PIK3CD: variants seen among roughly 807,000 people sequenced by gnomAD.
PIK3CD encodes the protein phosphatidylinositol-4,5-bisphosphate 3-kinase catalytic subunit delta, also known as phosphatidylinositol 4,5-bisphosphate 3-kinase catalytic subunit delta isoform.
In PIK3CD, 20 loss-of-function variants were observed where a neutral mutation model predicts 122.9. The observed-to-expected ratio is 0.16, with a 90% CI of 0.11 to 0.24. PIK3CD has a LOEUF of 0.24. Among genes scored for constraint, PIK3CD ranks in the 10% least tolerant of loss-of-function variants. The pLI is 1.00. For synonymous variants in PIK3CD, 596 were observed against 593.4 expected, an observed-to-expected ratio of 1.00 and a Z score of -0.06; for missense variants, 787 against 1,406.3, an observed-to-expected ratio of 0.56 and a Z score of 7.04.
At chr1:9,688,528 C>CT (rs543876633) in intron 1 of PIK3CD, among the ~76,000 whole-genome samples, 13 of 152,204 alleles carry the variant, frequency 8.5e-5, no homozygotes, top group Non-Finnish European at 1.6e-4. Context: ...AGAACAACAT[C>CT]TATCTTACAG....
intron 23 of PIK3CD, among the ~76,000 whole-genome samples, chr1:9,726,014 C>A (rs1383588711): frequency 6.6e-6 from 1 of 151,316 alleles, no homozygotes; most frequent in South Asian, 2.1e-4. Context: ...GAGTTTGAGA[C>A]CAGCCTGGCC....
intron 1 of PIK3CD, chr1:9,654,440 C>T (rs1210814224): frequency 1.5e-6 from 2 of 1,364,298 alleles, no homozygotes; most frequent in Non-Finnish European, 9.8e-7. Flanking sequence ...AGGGCATCAG[C>T]CCCTGGGGGG....
chr1:9,707,212 C>T (rs531540400), intron 2 of PIK3CD, among the ~76,000 whole-genome samples: 202 of 151,844 alleles, frequency 1.3e-3, no homozygotes, highest in African/African-American at 4.6e-3. Flanking sequence ...CTCCGATGAG[C>T]ACAAGGGGAT....
the PIK3CD span, among the ~76,000 whole-genome samples, chr1:9,637,509 C>T: frequency 6.6e-6 from 1 of 152,078 alleles, no homozygotes; most frequent in Non-Finnish European, 1.5e-5. Context: ...GAGCAAGACC[C>T]TATCTTAATA....
In PIK3CD at chr1:9,722,975, A is replaced by G. The variant is rs1648929071; in HGVS notation, c.2427-150A>G. The G allele has an allele frequency of 1.2e-6, 1 of 803,894 alleles. No individual in the cohort carries two copies. The highest frequency in any genetic ancestry group is 2.2e-6 in the Non-Finnish European group (1 of 460,526). 49.8% of individuals were successfully genotyped at this position (803,894 alleles called of 1,614,324 possible). A position where few individuals can be genotyped will look rare whatever the true frequency, so the allele number is the denominator to read the frequency against. ...TCAGATGCTGGTGCCGGCATCTCCA[A>G]GGAGCCAGCATCTCTCACCTGCTTT... is the stretch of plus-strand genomic sequence containing the variant. On this transcript the variant is annotated intron_variant, in intron 19 of 23. Coordinates refer to ENST00000377346, the MANE Select transcript of PIK3CD (RefSeq NM_005026.5). The surrounding 1 kb of genome is among the most constrained non-coding windows in gnomAD (Gnocchi z 7.6).
the PIK3CD span, among the ~76,000 whole-genome samples, chr1:9,638,598 G>A: frequency 2.6e-5 from 4 of 151,802 alleles, no homozygotes; most frequent in East Asian, 7.9e-4. Context: ...GGGGTGTGGT[G>A]GCGGGCGCCT....
At chr1:9,659,699 C>CA (rs1644957364) in intron 1 of PIK3CD, among the ~76,000 whole-genome samples, 1 of 152,086 alleles carries the variant, frequency 6.6e-6, no homozygotes, top group Non-Finnish European at 1.5e-5. Flanking sequence ...GGGTATGTAT[C>CA]AGAATTTCTT....
At chr1:9,630,636 G>A in the PIK3CD span, among the ~76,000 whole-genome samples, 2 of 152,200 alleles carry the variant, frequency 1.3e-5, no homozygotes, top group African/African-American at 2.4e-5. Flanking sequence ...GGGCCCCTTC[G>A]GGCAAGGGGG....
intron 1 of PIK3CD, among the ~76,000 whole-genome samples, chr1:9,658,749 C>T (rs925741812): frequency 2.0e-5 from 3 of 152,040 alleles, no homozygotes; most frequent in African/African-American, 7.2e-5. Context: ...AGGCTGGTCT[C>T]AAACTCCTGA....
chr1:9,634,222 C>T, the PIK3CD span, among the ~76,000 whole-genome samples: 317 of 146,646 alleles, frequency 2.2e-3, 3 homozygotes, highest in African/African-American at 7.7e-3. Context: ...GACATGATCT[C>T]AGCTCACTAC....
intron 1 of PIK3CD, among the ~76,000 whole-genome samples, chr1:9,685,629 G>A (rs561505745): frequency 6.6e-6 from 1 of 152,126 alleles, no homozygotes; most frequent in Non-Finnish European, 1.5e-5. Flanking sequence ...AAAGTGCTGG[G>A]ATTACAGGCG....
At chr1:9,641,125 T>C in the PIK3CD span, among the ~76,000 whole-genome samples, 1 of 152,194 alleles carries the variant, frequency 6.6e-6, no homozygotes, top group Non-Finnish European at 1.5e-5. Context: ...TTACTGAGTA[T>C]AAACTCCAGG....
rs781063031 is a variant in PIK3CD at position 9,724,428 on chromosome 1, G to A, written c.2864+7G>A. Reference sequence around the variant, plus strand: ...ATAGTGAGAAATTTGAACGGTGAGAGTGCCTGAGCCCCACCAGATGCCCCT... The same window carrying A: ...ATAGTGAGAAATTTGAACGGTGAGAATGCCTGAGCCCCACCAGATGCCCCT... On this transcript the variant is annotated splice_region_variant and intron_variant, in intron 22 of 23. Transcript: ENST00000377346. This position sits in a 1 kb window ranked among gnomAD's most constrained non-coding sequence, Gnocchi z 7.3. The A allele has an allele frequency of 4.3e-6, 7 of 1,613,910 alleles. No individual in the cohort carries two copies. The Admixed American group carries it at 8.3e-5, about 19-fold the overall frequency.
At chr1:9,663,480 G>A (rs1020589540) in intron 1 of PIK3CD, among the ~76,000 whole-genome samples, 1 of 152,178 alleles carries the variant, frequency 6.6e-6, no homozygotes, top group Non-Finnish European at 1.5e-5. Context: ...TCTACCTGTT[G>A]ATATCTACCT....
rs972860101 is a variant in PIK3CD, at chr1:9,722,304, C to G, written c.2295C>G (p.Asn765Lys). The G allele has an allele frequency of 6.2e-7, 1 of 1,613,690 alleles. No homozygotes were observed. The highest frequency in any genetic ancestry group is 8.5e-7 in the Non-Finnish European group (1 of 1,179,928). ...KMKPLWIMYS[N>K]EEAGSGGSVG... ...AGCCCCTGTGGATCATGTACAGCAACGAGGAGGCAGGCAGCGGCGGCAGCG... is the reference window on the plus strand; with the variant it reads ...AGCCCCTGTGGATCATGTACAGCAAGGAGGAGGCAGGCAGCGGCGGCAGCG... Residue 765 changes from asparagine to lysine, a missense_variant, in exon 18 of 24, where the codon AAC becomes AAG. Asn to Lys is a moderately conservative substitution (Grantham distance 94, BLOSUM62 0). This residue lies in a region of PIK3CD where 69 missense variants were observed against 166.8 expected (regional missense o/e 0.41). Coordinates refer to ENST00000377346, the MANE Select transcript of PIK3CD (RefSeq NM_005026.5). The surrounding 1 kb of genome is among the most constrained non-coding windows in gnomAD (Gnocchi z 7.6).
chr1:9,663,740 C>G (rs1265370928), intron 1 of PIK3CD, among the ~76,000 whole-genome samples: 1 of 145,610 alleles, frequency 6.9e-6, no homozygotes, highest in Non-Finnish European at 1.5e-5. Context: ...CCCCTCCCCC[C>G]ATCCCAAAAC....
At chr1:9,676,389 G>A (rs1189869824) in intron 1 of PIK3CD, among the ~76,000 whole-genome samples, 1 of 152,236 alleles carries the variant, frequency 6.6e-6, no homozygotes, top group Non-Finnish European at 1.5e-5. Flanking sequence ...AGGTCCTTGT[G>A]TCTGATGGAG....
At chr1:9,628,629 G>A in the PIK3CD span, among the ~76,000 whole-genome samples, 2 of 152,178 alleles carry the variant, frequency 1.3e-5, no homozygotes, top group Non-Finnish European at 2.9e-5. Context: ...CTCAGTGACC[G>A]GGCAGACTGC....
At chr1:9,702,271 G>A (rs1332867239) in intron 2 of PIK3CD, among the ~76,000 whole-genome samples, 1 of 151,710 alleles carries the variant, frequency 6.6e-6, no homozygotes. Flanking sequence ...CTGCCCTGGA[G>A]CATCTTGTTA....
Sources: gnomAD v4.1 joint callset for allele counts (sites outside exome capture counted in the v4.1 genomes callset) on GRCh38, gnomAD v4.1.1 for gene constraint, gnomAD v4.1.1 regional missense constraint, Gnocchi (gnomAD v3.1) non-coding constraint, MANE v1.5 for transcripts, NCBI Gene and HGNC (gene_info 2026-07-23, HGNC 2026-07-21) for gene names.